Variants in KDM4B observed in about 807,000 individuals in gnomAD.
KDM4B encodes the protein lysine-specific demethylase 4B.
KDM4B carries 32 observed loss-of-function variants against 125.2 expected under a neutral mutation model. The ratio of observed to expected loss-of-function variants is 0.26; its 90% confidence interval spans 0.19 to 0.34. KDM4B has a LOEUF of 0.34. Among genes scored for constraint, KDM4B ranks in the 10% least tolerant of loss-of-function variants. The probability of loss-of-function intolerance (pLI) is 1.00; values close to 1 mark genes in which losing one functional copy is unlikely to be tolerated. For missense variants in KDM4B, 1,190 were observed against 1,577.7 expected (o/e 0.75, Z 4.16); for synonymous variants, 721 against 677.9 (o/e 1.06, Z -0.99).
At chr19:5,130,802 C>A (rs918280611) in intron 11 of KDM4B, among the ~76,000 whole-genome samples, 1 of 152,256 alleles carries the variant, frequency 6.6e-6, no homozygotes, top group African/African-American at 2.4e-5. Flanking sequence ...CATAGAGCAA[C>A]ACCTGGTGGG....
In KDM4B at chr19:5,110,440, C is replaced by G. The variant is rs185831654; in HGVS notation, c.919-182C>G. ...TGAGCCATGATTGCACCACTGCACT[C>G]CAGCCTGGGCGACAGAGTGAGACCG... On this transcript the variant is annotated intron_variant, in intron 9 of 22. Coordinates refer to ENST00000159111, the MANE Select transcript of KDM4B (RefSeq NM_015015.3). Among the ~76,000 whole-genome samples, 853 of 152,348 alleles carry G rather than the reference C, an allele frequency of 5.6e-3. 1 individual carries two copies. Among genetic ancestry groups the G allele is most frequent in the Middle Eastern group, 0.017 (5 of 294 alleles).
chr19:5,107,880 C>T (rs184143901), intron 9 of KDM4B, among the ~76,000 whole-genome samples: 1 of 152,372 alleles, frequency 6.6e-6, no homozygotes, highest in Admixed American at 6.5e-5. Flanking sequence ...CCGGCCTTGC[C>T]TCCTTCCTGC....
intron 9 of KDM4B, among the ~76,000 whole-genome samples, chr19:5,104,589 G>A (rs2039000484): frequency 6.6e-6 from 1 of 152,068 alleles, no homozygotes; most frequent in African/African-American, 2.4e-5. Context: ...AGCAGGCACA[G>A]GGATGCTCTG....
Position 5,058,429 on chromosome 19 carries a change from C to T in KDM4B, c.626+10760C>T, listed in dbSNP as rs117600769. The stretch of plus-strand genomic sequence containing the variant: ...TGAGGACTGAGGGAGGAGGGGAGCC[C>T]GGTGAGGGGAGGATGGGTGACCAGC... On this transcript the variant is annotated intron_variant, in intron 6 of 22. Coordinates refer to ENST00000159111, the MANE Select transcript of KDM4B (RefSeq NM_015015.3). Among the ~76,000 whole-genome samples the T allele has an allele frequency of 2.0e-4, 30 of 152,102 alleles. No homozygotes were observed. In the East Asian group the frequency reaches 4.1e-3, roughly 21 times the overall value.
chr19:5,117,716 C>T (rs140091519), intron 10 of KDM4B, among the ~76,000 whole-genome samples: 2,012 of 152,254 alleles, frequency 0.013, 41 homozygotes, highest in African/African-American at 0.047. Flanking sequence ...GTCCCCCATC[C>T]ACCTCCTGCT....
rs575034404 is a variant in KDM4B at position 5,034,882 on chromosome 19, A to G, written c.141+1851A>G. ...CGCCCAGGCTGGGGTGCTGGGGTGC[A>G]GTGCTGCGATCACGGCTCACTGCAG... is the stretch of plus-strand genomic sequence containing the variant. On this transcript the variant is annotated intron_variant, in intron 3 of 22. Coordinates refer to ENST00000159111, the MANE Select transcript of KDM4B (RefSeq NM_015015.3). Among the ~76,000 whole-genome samples, 6 of 152,288 alleles carry G rather than the reference A, an allele frequency of 3.9e-5. No individual in the cohort carries two copies. The East Asian group carries it at 1.2e-3, about 29-fold the overall frequency.
chr19:5,001,946 A>G (rs1171779910), intron 1 of KDM4B, among the ~76,000 whole-genome samples: 1 of 149,816 alleles, frequency 6.7e-6, no homozygotes, highest in African/African-American at 2.4e-5. Flanking sequence ...TGAAACTCCA[A>G]TATGTGAACC....
intron 7 of KDM4B, chr19:5,074,746 C>A: frequency 6.6e-6 from 1 of 152,550 alleles, no homozygotes. Context: ...CCCCGCTCTC[C>A]CGCCTCCCCG....
chr19:5,029,886 A>AAG (rs1568239412), intron 2 of KDM4B, among the ~76,000 whole-genome samples: 1 of 152,186 alleles, frequency 6.6e-6, no homozygotes, highest in Non-Finnish European at 1.5e-5. Context: ...GTGGTGGGTG[A>AAG]AGTGCCTGAG....
At chr19:5,077,253 C>G in intron 7 of KDM4B, 114 bp from the exon 8 acceptor site, 3 of 848,596 alleles carry the variant, frequency 3.5e-6, no homozygotes, top group Admixed American at 4.0e-5. Flanking sequence ...GCTCTGTGCT[C>G]CCACACGCCC....
chr19:4,983,729 G>A (rs1444454832), intron 1 of KDM4B, among the ~76,000 whole-genome samples: 2 of 152,174 alleles, frequency 1.3e-5, no homozygotes, highest in Non-Finnish European at 2.9e-5. Context: ...AGAGAGACTT[G>A]TGGATCAGCA....
chr19:5,114,276 C>T lies in KDM4B; in HGVS notation c.1115+3458C>T. On this transcript the variant is annotated intron_variant, in intron 10 of 22. Coordinates refer to ENST00000159111, the MANE Select transcript of KDM4B (RefSeq NM_015015.3). This position sits in a 1 kb window ranked among gnomAD's most constrained non-coding sequence, Gnocchi z 5.8. Reference sequence around the variant, plus strand: ...CCCGCCTCACCACAGCCTCCCTGGCCCACTGCTGCTCTGTGAGCCCGGCTG... The same window carrying T: ...CCCGCCTCACCACAGCCTCCCTGGCTCACTGCTGCTCTGTGAGCCCGGCTG... 2 of 1,257,696 alleles carry T rather than the reference C, an allele frequency of 1.6e-6. No individual in the cohort carries two copies. Among genetic ancestry groups the T allele is most frequent in the Non-Finnish European group, 2.1e-6 (2 of 959,538 alleles). The allele number at this position is 1,257,696 out of a possible 1,614,324, so 77.9% of individuals were successfully genotyped here.
intron 11 of KDM4B, among the ~76,000 whole-genome samples, chr19:5,121,498 G>C (rs2039361128): frequency 6.6e-6 from 1 of 152,176 alleles, no homozygotes; most frequent in African/African-American, 2.4e-5. Context: ...GAGCGGAGCT[G>C]CCAGAGATGA....
At chr19:5,055,556 G>A (rs949298453) in intron 6 of KDM4B, among the ~76,000 whole-genome samples, 3 of 152,302 alleles carry the variant, frequency 2.0e-5, no homozygotes, top group Admixed American at 6.5e-5. Context: ...GATGGTGGCC[G>A]TGATGGGGGC....
At chr19:4,988,141 G>A (rs1290414541) in intron 1 of KDM4B, among the ~76,000 whole-genome samples, 1 of 152,194 alleles carries the variant, frequency 6.6e-6, no homozygotes, top group Non-Finnish European at 1.5e-5. Context: ...CTCCTACCTG[G>A]GGGCTGCATC....
rs2035253701 is a variant in KDM4B at position 4,997,878 on chromosome 19, G to T, written c.-108-18379G>T. On this transcript the variant is annotated intron_variant, in intron 1 of 22. Coordinates refer to ENST00000159111, the MANE Select transcript of KDM4B (RefSeq NM_015015.3). The surrounding 1 kb of genome is among the most constrained non-coding windows in gnomAD (Gnocchi z 4.2). ...AGGGCCAGGAGTGAGGGGCGGACGTGCCACTCTGCACTGCTGTCCCTCTCC... is the reference window on the plus strand; with the variant it reads ...AGGGCCAGGAGTGAGGGGCGGACGTTCCACTCTGCACTGCTGTCCCTCTCC... Among the ~76,000 whole-genome samples the T allele has an allele frequency of 3.3e-5, 5 of 152,396 alleles. No homozygotes were observed. In the South Asian group the frequency reaches 1.0e-3, roughly 32 times the overall value.
intron 6 of KDM4B, among the ~76,000 whole-genome samples, chr19:5,060,464 G>A (rs11670529): frequency 0.48 from 27,203 of 56,674 alleles, 6,464 homozygotes; most frequent in East Asian, 0.86. Flanking sequence ...AAAAAAAAAA[G>A]GGAGCCATGA....
At chr19:5,128,773 C>T (rs2039491899) in intron 11 of KDM4B, among the ~76,000 whole-genome samples, 1 of 151,336 alleles carries the variant, frequency 6.6e-6, no homozygotes, top group Non-Finnish European at 1.5e-5. Context: ...AGTATTTCTT[C>T]CCACGCCAGC....
chr19:5,132,797 C>A (rs1212533789), intron 13 of KDM4B, among the ~76,000 whole-genome samples: 4 of 152,184 alleles, frequency 2.6e-5, no homozygotes, highest in Non-Finnish European at 4.4e-5. Context: ...CCCCAGAACC[C>A]CAGGCATTCT....
Sources: allele counts gnomAD v4.1 joint callset (sites outside exome capture counted in the v4.1 genomes callset), GRCh38; gene constraint gnomAD v4.1.1; non-coding constraint Gnocchi (gnomAD v3.1); transcripts MANE v1.5; gene names NCBI Gene and HGNC (gene_info 2026-07-23, HGNC 2026-07-21).